PPM1H: variants seen among roughly 807,000 people sequenced by gnomAD.
The protein encoded by PPM1H is protein phosphatase, Mg2+/Mn2+ dependent 1H.
In PPM1H, 27 loss-of-function variants were observed where a neutral mutation model predicts 54.9. The observed-to-expected ratio is 0.49, with a 90% confidence interval of 0.36 to 0.68. The LOEUF is 0.68. Ranked by LOEUF, PPM1H falls within the 30% of genes least tolerant of loss-of-function variation. The probability of loss-of-function intolerance (pLI) is 0.00; values close to 1 mark genes in which losing one functional copy is unlikely to be tolerated. For missense variants in PPM1H, 596 were observed against 667.8 expected (o/e 0.89, Z 1.19); for synonymous variants, 305 against 270.8 (o/e 1.13, Z -1.24).
intron 1 of PPM1H, among the ~76,000 whole-genome samples, chr12:62,888,957 G>C (rs11174709): frequency 6.6e-6 from 1 of 152,156 alleles, no homozygotes; most frequent in African/African-American, 2.4e-5. Flanking sequence ...AAAAAGTTGC[G>C]TATGACATAA....
chr12:62,698,285 C>G (rs1322222091), intron 6 of PPM1H, among the ~76,000 whole-genome samples: 1 of 152,166 alleles, frequency 6.6e-6, no homozygotes, highest in Non-Finnish European at 1.5e-5. Flanking sequence ...TTTAACGGTA[C>G]TTAATGTCAG....
chr12:62,826,476 C>G (rs1345219071), intron 2 of PPM1H, among the ~76,000 whole-genome samples: 2 of 152,016 alleles, frequency 1.3e-5, no homozygotes, highest in African/African-American at 4.8e-5. Context: ...CGTTGCTACC[C>G]GGCTACCATA....
At chr12:62,656,601 C>T (rs560846751) in intron 9 of PPM1H, among the ~76,000 whole-genome samples, 1 of 152,172 alleles carries the variant, frequency 6.6e-6, no homozygotes, top group South Asian at 2.1e-4. Context: ...CTTCAATTTG[C>T]CATTTGGATG....
At position 62,934,685 on chromosome 12, in the gene PPM1H, C is replaced by G. The variant is rs553231617; in HGVS notation, c.52G>C (p.Ala18Pro). The change falls in exon 1 of 10, where the codon GCT becomes CCT. Residue 18 changes from alanine (A) to proline (P), a missense_variant. Physicochemically the swap from Ala to Pro is conservative, Grantham distance 27. Around this residue, in one of 3 missense-constraint regions of PPM1H, gnomAD observed 382 missense variants for 387.1 expected, o/e 0.99. Coordinates refer to ENST00000228705, the MANE Select transcript of PPM1H (RefSeq NM_020700.2). The surrounding 1 kb of genome is among the most constrained non-coding windows in gnomAD (Gnocchi z 4.2). ...CCGTGCTCGGAGCCTGAGCTGCCAG[C>G]CATGATGCCGCCCATGAAATTGGCC... ...AVANFMGGIM[A>P]GSSGSEHGGG... The G allele has an allele frequency of 1.5e-5, 24 of 1,606,982 alleles. No homozygotes were observed. In the Admixed American group the frequency reaches 3.9e-4, roughly 26 times the overall value.
At chr12:62,917,289 G>A (rs1028011371) in intron 1 of PPM1H, among the ~76,000 whole-genome samples, 2 of 152,228 alleles carry the variant, frequency 1.3e-5, no homozygotes, top group African/African-American at 4.8e-5. Context: ...GCACAATTCT[G>A]ACAGCCATGT....
rs11349692 is a variant in PPM1H, at chr12:62,659,269, CAAAAAAAAAAAA to C, written c.1397+7897_1397+7908del. On this transcript the variant is annotated intron_variant, in intron 9 of 9. Coordinates refer to ENST00000228705, the MANE Select transcript of PPM1H (RefSeq NM_020700.2). Reference sequence around the variant, plus strand: ...GTGTTCTAAAAAACCGTAAAAACTGCAAAAAAAAAAAAAAAAAAAAAAGAGAAAAACTTACTG... The same window carrying C: ...GTGTTCTAAAAAACCGTAAAAACTGCAAAAAAAAAAGAGAAAAACTTACTG... The C allele has an allele frequency of 3.4e-5, 3 of 88,036 alleles. 1 individual carries two copies. Among genetic ancestry groups the C allele is most frequent in the Admixed American group, 1.5e-4 (1 of 6,532 alleles). The allele number at this position is 88,036 out of a possible 1,614,324, so 5.5% of individuals were successfully genotyped here.
At chr12:62,878,660 C>T (rs1341563881) in intron 1 of PPM1H, among the ~76,000 whole-genome samples, 1 of 138,958 alleles carries the variant, frequency 7.2e-6, no homozygotes, top group Non-Finnish European at 1.5e-5. Flanking sequence ...AAAAAAGAGG[C>T]CAGGCATGGT....
At chr12:62,670,205 G>A (rs1453288421) in intron 8 of PPM1H, among the ~76,000 whole-genome samples, 3 of 151,778 alleles carry the variant, frequency 2.0e-5, no homozygotes, top group African/African-American at 4.8e-5. Flanking sequence ...TCGAACTCCC[G>A]ACCTCAGGTG....
At chr12:62,725,884 A>AC (rs374132405) in intron 5 of PPM1H, among the ~76,000 whole-genome samples, 8 of 151,536 alleles carry the variant, frequency 5.3e-5, no homozygotes, top group African/African-American at 1.7e-4. Flanking sequence ...TGTCATAGTC[A>AC]CCCCCCCACT....
Position 62,817,233 on chromosome 12 carries a change from C to T in PPM1H, c.411+14881G>A, listed in dbSNP as rs140733065. On this transcript the variant is annotated intron_variant, in intron 2 of 9. Coordinates refer to ENST00000228705, the MANE Select transcript of PPM1H (RefSeq NM_020700.2). ...ATCCCAGCACTTTGGGAGGCTGAGG[C>T]GGGCAGATCATAAGGTCAGGAGATC... Among the ~76,000 whole-genome samples, 7 of 145,394 alleles carry T rather than the reference C, an allele frequency of 4.8e-5. No homozygotes were observed. The East Asian group carries it at 8.1e-4, about 17-fold the overall frequency.
intron 8 of PPM1H, among the ~76,000 whole-genome samples, chr12:62,668,607 C>A (rs1592533144): frequency 6.6e-6 from 1 of 152,176 alleles, no homozygotes; most frequent in Non-Finnish European, 1.5e-5. Context: ...GAACCCCTGG[C>A]TTCAAGGGAT....
chr12:62,820,969 T>C (rs963213252), intron 2 of PPM1H, among the ~76,000 whole-genome samples: 2 of 151,930 alleles, frequency 1.3e-5, no homozygotes, highest in African/African-American at 4.8e-5. Context: ...ATAACAAACT[T>C]CTCCAAGCTA....
chr12:62,649,780 G>A (rs1033883452), intron 9 of PPM1H, among the ~76,000 whole-genome samples: 1 of 152,028 alleles, frequency 6.6e-6, no homozygotes, highest in African/African-American at 2.4e-5. Flanking sequence ...TTGCTTAAAT[G>A]TCAAGTGGCA....
At chr12:62,662,815 C>T (rs2075892441) in intron 9 of PPM1H, among the ~76,000 whole-genome samples, 2 of 152,272 alleles carry the variant, frequency 1.3e-5, no homozygotes, top group Middle Eastern at 6.8e-3. Context: ...CTTAGAAACC[C>T]AACAGGCCTC....
intron 5 of PPM1H, among the ~76,000 whole-genome samples, chr12:62,724,216 T>C (rs948717011): frequency 6.6e-6 from 1 of 152,230 alleles, no homozygotes; most frequent in African/African-American, 2.4e-5. Context: ...TGAAGACATC[T>C]ATGTGACATA....
intron 1 of PPM1H, among the ~76,000 whole-genome samples, chr12:62,897,589 T>C (rs1348648713): frequency 1.3e-5 from 2 of 152,106 alleles, no homozygotes; most frequent in Non-Finnish European, 2.9e-5. Context: ...CAGCCTCTGA[T>C]GAAGCATGTA....
At chr12:62,882,052 AAAAC>A (rs1870415358) in intron 1 of PPM1H, among the ~76,000 whole-genome samples, 3 of 152,256 alleles carry the variant, frequency 2.0e-5, no homozygotes, top group African/African-American at 4.8e-5. Flanking sequence ...ACATTTCTCA[AAAAC>A]AAAGTAAGTC....
At chr12:62,928,703 C>A (rs1216874568) in intron 1 of PPM1H, among the ~76,000 whole-genome samples, 2 of 152,194 alleles carry the variant, frequency 1.3e-5, no homozygotes, top group African/African-American at 4.8e-5. Flanking sequence ...GATACCTGCT[C>A]AAGTTCCTCA....
At chr12:62,683,072 ATTATTATTATT>A (rs2076031447) in intron 8 of PPM1H, among the ~76,000 whole-genome samples, 1 of 125,704 alleles carries the variant, frequency 8.0e-6, no homozygotes, top group Non-Finnish European at 1.7e-5. Context: ...TATTATTATT[ATTATTATTATT>A]ATTTTTGTAG....
Sources: gnomAD v4.1 joint callset for allele counts (sites outside exome capture counted in the v4.1 genomes callset) on GRCh38, gnomAD v4.1.1 for gene constraint, gnomAD v4.1.1 regional missense constraint, Gnocchi (gnomAD v3.1) non-coding constraint, MANE v1.5 for transcripts, NCBI Gene and HGNC (gene_info 2026-07-23, HGNC 2026-07-21) for gene names.